ELAVL2: variants seen among roughly 807,000 people sequenced by gnomAD.
ELAVL2 encodes ELAV-like protein 2.
ELAVL2 carries 4 observed loss-of-function variants against 34.6 expected under a neutral mutation model. The ratio of observed to expected loss-of-function variants is 0.12; its 90% CI spans 0.06 to 0.26. The LOEUF is 0.26. Among genes scored for constraint, ELAVL2 ranks in the 10% least tolerant of loss-of-function variants. The pLI, the probability that ELAVL2 is intolerant of heterozygous loss-of-function variation, is 1.00. For synonymous variants in ELAVL2, 193 were observed against 154.8 expected, an observed-to-expected ratio of 1.25 and a Z score of -1.83; for missense variants, 432 against 442.8, an observed-to-expected ratio of 0.98 and a Z score of 0.22.
intron 4 of ELAVL2, among the ~76,000 whole-genome samples, chr9:23,703,088 T>G (rs1702602879): frequency 6.6e-6 from 1 of 150,840 alleles, no homozygotes; most frequent in South Asian, 2.1e-4. Context: ...AGGTTCTGAA[T>G]GAAGCCCAAT....
intron 1 of ELAVL2, among the ~76,000 whole-genome samples, chr9:23,776,818 T>A (rs1325452666): frequency 6.6e-6 from 1 of 151,046 alleles, no homozygotes; most frequent in African/African-American, 2.4e-5. Flanking sequence ...AATATTTGAG[T>A]GTGGACACGT....
At chr9:23,746,361 A>C (rs923480842) in intron 2 of ELAVL2, among the ~76,000 whole-genome samples, 1 of 152,176 alleles carries the variant, frequency 6.6e-6, no homozygotes, top group African/African-American at 2.4e-5. Context: ...TGAATTACAT[A>C]AATATTGTTT....
chr9:23,789,716 A>G (rs2060115180), intron 1 of ELAVL2, among the ~76,000 whole-genome samples: 1 of 152,212 alleles, frequency 6.6e-6, no homozygotes, highest in East Asian at 1.9e-4. Flanking sequence ...AATGTATCGT[A>G]TTATACAAGC....
intron 3 of ELAVL2, among the ~76,000 whole-genome samples, chr9:23,721,466 T>C (rs527513199): frequency 6.6e-6 from 1 of 152,332 alleles, no homozygotes; most frequent in Admixed American, 6.5e-5. Flanking sequence ...TTCCTTGCCC[T>C]TCCTGCAGCT....
intron 3 of ELAVL2, among the ~76,000 whole-genome samples, chr9:23,714,903 AC>A (rs1280290500): frequency 6.6e-6 from 1 of 152,180 alleles, no homozygotes; most frequent in Non-Finnish European, 1.5e-5. Flanking sequence ...CATTCGAGAG[AC>A]TAAAAGAAAA....
At chr9:23,763,218 A>G (rs1057346680) in intron 1 of ELAVL2, among the ~76,000 whole-genome samples, 2 of 152,130 alleles carry the variant, frequency 1.3e-5, no homozygotes, top group African/African-American at 2.4e-5. Context: ...AACACCAGAT[A>G]AAGAACAGAA....
intron 1 of ELAVL2, among the ~76,000 whole-genome samples, chr9:23,766,848 C>T (rs2056371954): frequency 6.6e-6 from 1 of 152,060 alleles, no homozygotes; most frequent in South Asian, 2.1e-4. Context: ...CCACAGACAA[C>T]TGGGCTGTGT....
At chr9:23,729,350 G>A (rs2045994887) in intron 3 of ELAVL2, among the ~76,000 whole-genome samples, 1 of 152,108 alleles carries the variant, frequency 6.6e-6, no homozygotes, top group East Asian at 1.9e-4. Flanking sequence ...AATATAAATT[G>A]AGGAAAAGAA....
At chr9:23,833,568 T>C in the ELAVL2 span, among the ~76,000 whole-genome samples, 3 of 151,996 alleles carry the variant, frequency 2.0e-5, no homozygotes, top group Non-Finnish European at 2.9e-5. Context: ...AGTGACATTT[T>C]CATTATGAAC....
At chr9:23,821,281 C>T (rs1005634023) in intron 1 of ELAVL2, 1 of 152,360 alleles carries the variant, frequency 6.6e-6, no homozygotes, top group Non-Finnish European at 1.5e-5. Context: ...CGGGCACGTC[C>T]ACGCCCGTGC....
At chr9:23,699,719 C>T (rs1221989812) in intron 5 of ELAVL2, among the ~76,000 whole-genome samples, 2 of 149,556 alleles carry the variant, frequency 1.3e-5, no homozygotes, top group Non-Finnish European at 3.0e-5. Context: ...CTTTGTGAGA[C>T]TTCTTTCTCC....
intron 2 of ELAVL2, among the ~76,000 whole-genome samples, chr9:23,736,801 G>C (rs559803701): frequency 2.4e-4 from 36 of 152,164 alleles, no homozygotes; most frequent in Non-Finnish European, 4.1e-4. Context: ...TTGTCCAGGA[G>C]AACTTCTTAA....
At chr9:23,742,018 C>A (rs942124591) in intron 2 of ELAVL2, among the ~76,000 whole-genome samples, 2 of 152,176 alleles carry the variant, frequency 1.3e-5, no homozygotes, top group East Asian at 3.9e-4. Context: ...AGGATCCATA[C>A]TTCCTTGGCA....
chr9:23,755,329 C>T (rs772084322), intron 2 of ELAVL2, among the ~76,000 whole-genome samples: 26 of 152,072 alleles, frequency 1.7e-4, no homozygotes, highest in Admixed American at 5.2e-4. Flanking sequence ...CTAATCAAGG[C>T]TGACACTGAA....
chr9:23,739,039 T>C (rs1221180086), intron 2 of ELAVL2, among the ~76,000 whole-genome samples: 5 of 152,182 alleles, frequency 3.3e-5, no homozygotes, highest in Non-Finnish European at 5.9e-5. Flanking sequence ...TCTTAGACTA[T>C]TGAGAACAGA....
chr9:23,752,572 A>G (rs779516881), intron 2 of ELAVL2, among the ~76,000 whole-genome samples: 1 of 151,608 alleles, frequency 6.6e-6, no homozygotes, highest in Non-Finnish European at 1.5e-5. Flanking sequence ...CTCCTGTCTC[A>G]GCCTCCTGAA....
intron 2 of ELAVL2, among the ~76,000 whole-genome samples, chr9:23,732,514 TAA>T (rs962873462): frequency 6.6e-6 from 1 of 152,214 alleles, no homozygotes; most frequent in East Asian, 1.9e-4. Context: ...ACAGTTCTAG[TAA>T]AGAGTCACAT....
intron 1 of ELAVL2, among the ~76,000 whole-genome samples, chr9:23,783,716 G>C (rs577755534): frequency 1.3e-5 from 2 of 152,174 alleles, no homozygotes; most frequent in South Asian, 2.1e-4. Context: ...AGCAAAGAAG[G>C]GAACACATGC....
chr9:23,752,459 A>C (rs1387962131), intron 2 of ELAVL2, among the ~76,000 whole-genome samples: 1 of 151,500 alleles, frequency 6.6e-6, no homozygotes, highest in Non-Finnish European at 1.5e-5. Flanking sequence ...ACCACTTAAG[A>C]AACTTTTTTT....
Sources: allele counts gnomAD v4.1 joint callset (sites outside exome capture counted in the v4.1 genomes callset), GRCh38; gene constraint gnomAD v4.1.1; transcripts MANE v1.5; gene names NCBI Gene and HGNC (gene_info 2026-07-23, HGNC 2026-07-21).